Variants in TOPBP1 observed in about 807,000 individuals in gnomAD.
TOPBP1 encodes the protein DNA topoisomerase II binding protein 1.
Under a neutral mutation model 167.7 loss-of-function variants are expected in TOPBP1, and 28 were observed. The observed-to-expected ratio is 0.17, with a 90% CI of 0.12 to 0.23. TOPBP1 has a LOEUF of 0.23. Among genes scored for constraint, TOPBP1 ranks in the 10% least tolerant of loss-of-function variants. TOPBP1 has a pLI of 1.00. For synonymous variants in TOPBP1, 598 were observed against 611.4 expected (o/e 0.98, Z 0.32); for missense variants, 1,554 against 1,809.6 (o/e 0.86, Z 2.56).
At chr3:133,658,107 A>T (rs1349141184) in intron 3 of TOPBP1, among the ~76,000 whole-genome samples, 166 bp from the exon 4 acceptor site, 1 of 152,238 alleles carries the variant, frequency 6.6e-6, no homozygotes, top group Non-Finnish European at 1.5e-5. Flanking sequence ...ATAATTTCTC[A>T]GAGATACTAT....
At chr3:133,633,706 T>C (rs767175716) in intron 14 of TOPBP1, among the ~76,000 whole-genome samples, 2 of 152,204 alleles carry the variant, frequency 1.3e-5, no homozygotes, top group Non-Finnish European at 2.9e-5. Flanking sequence ...GTGGAAGTAT[T>C]GCTTGAGTCC....
intron 14 of TOPBP1, among the ~76,000 whole-genome samples, chr3:133,632,558 T>C (rs1439681088): frequency 6.6e-6 from 1 of 152,220 alleles, no homozygotes; most frequent in Non-Finnish European, 1.5e-5. Context: ...CTAAACTTTT[T>C]AAAATTTCTT....
chr3:133,654,057 G>C (rs1360830021), intron 6 of TOPBP1, among the ~76,000 whole-genome samples: 2 of 152,150 alleles, frequency 1.3e-5, no homozygotes, highest in African/African-American at 4.8e-5. Flanking sequence ...TTTTCTATGT[G>C]TAGTATAAAT....
intron 14 of TOPBP1, among the ~76,000 whole-genome samples, chr3:133,632,768 T>C (rs941617952): frequency 1.3e-5 from 2 of 152,214 alleles, no homozygotes; most frequent in Middle Eastern, 3.4e-3. Context: ...CACTGGCATA[T>C]AGTTATTTCT....
At chr3:133,602,227 A>G (rs1934329759) in intron 27 of TOPBP1, among the ~76,000 whole-genome samples, 1 of 152,224 alleles carries the variant, frequency 6.6e-6, no homozygotes, top group Non-Finnish European at 1.5e-5. Context: ...AACAGAAACA[A>G]TGGAGGCCAG....
In TOPBP1 at chr3:133,633,621, G is replaced by A. The variant is rs182785362; in HGVS notation, c.2520+4255C>T. 1.8e-4 allele frequency among the ~76,000 whole-genome samples: 28 copies of A among 152,142 alleles called. No homozygotes were observed. The East Asian group carries it at 3.3e-3, about 18-fold the overall frequency. ...GTCTGAGCAATGTGGTAAGATCCCC[G>A]TATCTACAAAAAAATTAAAAATTAG... On this transcript the variant is annotated intron_variant, in intron 14 of 27. Coordinates refer to ENST00000260810, the MANE Select transcript of TOPBP1 (RefSeq NM_007027.4).
intron 10 of TOPBP1, among the ~76,000 whole-genome samples, chr3:133,646,481 T>C (rs1576308911): frequency 6.6e-6 from 1 of 152,094 alleles, no homozygotes; most frequent in East Asian, 1.9e-4. Context: ...TGAAACCCCA[T>C]CTCTACTAAA....
In TOPBP1 at chr3:133,652,639, T is replaced by C; in HGVS notation, c.923-10A>G. 1 of 1,585,024 alleles carries C rather than the reference T, an allele frequency of 6.3e-7. No individual in the cohort carries two copies. The highest frequency in any genetic ancestry group is 8.6e-7 in the Non-Finnish European group (1 of 1,169,038). On this transcript the variant is annotated splice_polypyrimidine_tract_variant and intron_variant, in intron 7 of 27. Transcript: ENST00000260810. ...TCTGAAAGAGTACGACCTACATATT[T>C]TGAAAACGTATAAATTTATGGGAGA...
chr3:133,623,812 T>G (rs1211567004), intron 17 of TOPBP1, among the ~76,000 whole-genome samples: 1 of 152,234 alleles, frequency 6.6e-6, no homozygotes, highest in East Asian at 1.9e-4. Context: ...ATATCACATT[T>G]TTAATTAGTA....
At chr3:133,652,910 T>C (rs1936352132) in intron 7 of TOPBP1, among the ~76,000 whole-genome samples, 1 of 152,206 alleles carries the variant, frequency 6.6e-6, no homozygotes, top group Non-Finnish European at 1.5e-5. Flanking sequence ...CCAAGAAGCT[T>C]ACATTTGAAA....
chr3:133,617,411 C>A, intron 21 of TOPBP1, 85 bp from the exon 22 acceptor site: 2 of 1,370,214 alleles, frequency 1.5e-6, no homozygotes, highest in South Asian at 1.8e-5. Context: ...CTGTCTTAGT[C>A]AAGATGAAGT....
intron 11 of TOPBP1, 48 bp downstream of exon 11, chr3:133,643,972 A>G (rs1415383076): frequency 1.3e-6 from 2 of 1,496,104 alleles, no homozygotes; most frequent in African/African-American, 2.8e-5. Context: ...CCTTCTTGGC[A>G]TTCAGATATC....
At chr3:133,656,279 T>A (rs1322943150) in intron 5 of TOPBP1, among the ~76,000 whole-genome samples, 3 of 152,126 alleles carry the variant, frequency 2.0e-5, no homozygotes, top group Non-Finnish European at 4.4e-5. Flanking sequence ...CAACCTTACA[T>A]ATGCCATCTT....
chr3:133,602,892 ATTTTTTTTTT>A (rs11458236), intron 27 of TOPBP1, among the ~76,000 whole-genome samples: 2 of 121,470 alleles, frequency 1.6e-5, no homozygotes, highest in African/African-American at 3.1e-5. Context: ...ACCTTTTTTC[ATTTTTTTTTT>A]TTTTTTTTTT....
At chr3:133,613,615 G>A (rs976363194) in intron 23 of TOPBP1, among the ~76,000 whole-genome samples, 4 of 152,084 alleles carry the variant, frequency 2.6e-5, no homozygotes, top group Non-Finnish European at 5.9e-5. Flanking sequence ...GAAGCAGCAG[G>A]TGGGAAAAAG....
chr3:133,661,001 CAAG>C (rs760077982), intron 2 of TOPBP1, 40 bp downstream of exon 2: 2 of 1,436,606 alleles, frequency 1.4e-6, no homozygotes, highest in East Asian at 2.4e-5. Context: ...CACTTAAAAA[CAAG>C]AAAATGAATT....
chr3:133,641,519 C>T (rs547678527), intron 12 of TOPBP1, among the ~76,000 whole-genome samples: 1 of 152,282 alleles, frequency 6.6e-6, no homozygotes, highest in South Asian at 2.1e-4. Flanking sequence ...ATTTATGCTA[C>T]ATTGCCTGGC....
intron 22 of TOPBP1, 95 bp from the exon 23 acceptor site, chr3:133,617,020 A>T: frequency 7.8e-7 from 1 of 1,281,416 alleles, no homozygotes; most frequent in Non-Finnish European, 1.1e-6. Flanking sequence ...CTTCTAAGTT[A>T]TGAAATATAC....
At position 133,631,689 on chromosome 3, in the gene TOPBP1, C is replaced by T. The variant is rs376407132; in HGVS notation, c.2521-2956G>A. ...TGAGATGGAGTCTCACTCTGTTGCC[C>T]GGGCTGTGGCGCGACCTTGGTGCAA... On this transcript the variant is annotated intron_variant, in intron 14 of 27. Coordinates refer to ENST00000260810, the MANE Select transcript of TOPBP1 (RefSeq NM_007027.4). Among the ~76,000 whole-genome samples the T allele has an allele frequency of 5.5e-4, 83 of 152,192 alleles. 1 individual carries two copies. Among genetic ancestry groups the T allele is most frequent in the Middle Eastern group, 3.4e-3 (1 of 294 alleles).
Sources: allele counts gnomAD v4.1 joint callset (sites outside exome capture counted in the v4.1 genomes callset), GRCh38; gene constraint gnomAD v4.1.1; transcripts MANE v1.5; gene names NCBI Gene and HGNC (gene_info 2026-07-23, HGNC 2026-07-21).